The following EIF2B1 variants were observed in gnomAD, a reference collection of about 807,000 sequenced individuals.
The protein encoded by EIF2B1 is eukaryotic translation initiation factor 2B subunit alpha.
A neutral mutation model predicts 36.8 loss-of-function variants in EIF2B1; 30 were observed. That is an observed-to-expected ratio of 0.81 (90% CI 0.61 to 1.10). EIF2B1 has a LOEUF of 1.10. Ranked by LOEUF, EIF2B1 falls within the 50% of genes least tolerant of loss-of-function variation. The pLI is 0.00. For synonymous variants in EIF2B1, 139 were observed against 142.2 expected, an observed-to-expected ratio of 0.98 and a Z score of 0.16; for missense variants, 271 against 374.8, an observed-to-expected ratio of 0.72 and a Z score of 2.29.
rs1566219145 is a variant in EIF2B1 at position 123,633,601 on chromosome 12, C to T, written c.-44G>A. 6.2e-7 allele frequency: 1 copy of T among 1,604,464 alleles called. No homozygotes were observed. On this transcript the variant is annotated 5_prime_UTR_variant, in exon 1 of 9. Transcript: ENST00000424014. The stretch of plus-strand genomic sequence containing the variant: ...AGCCCCAGGGGACCCGAGCCGCCCG[C>T]GCTGTCTCGAACGGGTCCGCCGGCC...
At chr12:123,631,782 G>A (rs1955190097) in intron 2 of EIF2B1, among the ~76,000 whole-genome samples, 2 of 151,266 alleles carry the variant, frequency 1.3e-5, no homozygotes, top group African/African-American at 2.4e-5. Context: ...ACTCCAGCCC[G>A]GGTGACAGAG....
intron 4 of EIF2B1, 148 bp from the exon 5 acceptor site, chr12:123,627,304 C>G: frequency 1.4e-6 from 1 of 734,368 alleles, no homozygotes. Context: ...CCTGATGGTA[C>G]AGTTTCCATC....
At chr12:123,627,594 C>T (rs991886083) in intron 4 of EIF2B1, among the ~76,000 whole-genome samples, 1 of 152,232 alleles carries the variant, frequency 6.6e-6, no homozygotes, top group African/African-American at 2.4e-5. Flanking sequence ...CGCCTGTAAT[C>T]CCAGCATTTT....
rs1955102772 is a variant in EIF2B1 at position 123,621,897 on chromosome 12, G to A, written c.777C>T (p.Val259=). Residue 259 remains valine, a synonymous_variant, in exon 9 of 9, where the codon GTC becomes GTT. Coordinates refer to ENST00000424014, the MANE Select transcript of EIF2B1 (RefSeq NM_001414.4). ...KFKYKADTLK[V]AQTGQDLKEE... is the part of the protein sequence containing the mutation. ...CTTTGAGGTCTTGTCCAGTCTGCGC[G>A]ACCTTGAGAGTGTCTGCCTTATACT... is the stretch of plus-strand genomic sequence containing the variant. 6.2e-7 allele frequency: 1 copy of A among 1,614,074 alleles called. No individual in the cohort carries two copies. The highest frequency in any genetic ancestry group is 8.5e-7 in the Non-Finnish European group (1 of 1,180,034).
intron 4 of EIF2B1, among the ~76,000 whole-genome samples, chr12:123,627,477 C>T (rs1434005186): frequency 6.6e-6 from 1 of 152,194 alleles, no homozygotes; most frequent in Non-Finnish European, 1.5e-5. Flanking sequence ...ACATGGTTTG[C>T]ACACGCAGGC....
intron 2 of EIF2B1, among the ~76,000 whole-genome samples, chr12:123,631,993 G>A (rs1955193520): frequency 6.6e-6 from 1 of 150,610 alleles, no homozygotes; most frequent in African/African-American, 2.4e-5. Flanking sequence ...CAAACGGCCG[G>A]GCACAGTGGC....
chr12:123,625,303 T>C lies in EIF2B1; in HGVS notation c.552-441A>G, dbSNP rs1955140238. Among the ~76,000 whole-genome samples the C allele has an allele frequency of 1.3e-5, 2 of 152,122 alleles. 1 individual carries two copies. Among genetic ancestry groups the C allele is most frequent in the African/African-American group, 4.8e-5 (2 of 41,436 alleles). Reference sequence around the variant, plus strand: ...CCAGATCTCACTCTGTTGCCCAGGCTAGAGTGCAGTGGCATGATCTCAGCC... The same window carrying C: ...CCAGATCTCACTCTGTTGCCCAGGCCAGAGTGCAGTGGCATGATCTCAGCC... On this transcript the variant is annotated intron_variant, in intron 6 of 8. Coordinates refer to ENST00000424014, the MANE Select transcript of EIF2B1 (RefSeq NM_001414.4).
chr12:123,624,862 G>A lies in EIF2B1; in HGVS notation c.552C>T (p.Gly184=), dbSNP rs1955136401. The change falls in exon 7 of 9, where the codon GGC becomes GGT. Residue 184 remains glycine, a splice_region_variant and synonymous_variant. Coordinates refer to ENST00000424014, the MANE Select transcript of EIF2B1 (RefSeq NM_001414.4). ...PVTVVLDAAV[G]YIMEKADLVI... ...CAAGATCTGCTTTCTCCATGATGTAGCTAAGGGGAAAAAAAGCTTTTCATG... is the reference window on the plus strand; with the variant it reads ...CAAGATCTGCTTTCTCCATGATGTAACTAAGGGGAAAAAAAGCTTTTCATG... 6.2e-7 allele frequency: 1 copy of A among 1,613,876 alleles called. No homozygotes were observed. The highest frequency in any genetic ancestry group is 8.5e-7 in the Non-Finnish European group (1 of 1,179,834).
At chr12:123,623,384 C>T (rs1352668955) in intron 7 of EIF2B1, among the ~76,000 whole-genome samples, 1 of 151,922 alleles carries the variant, frequency 6.6e-6, no homozygotes, top group Non-Finnish European at 1.5e-5. Context: ...GAAACTCCAT[C>T]TCAAAAAATA....
intron 6 of EIF2B1, among the ~76,000 whole-genome samples, chr12:123,625,202 T>A (rs1269297887): frequency 3.9e-5 from 6 of 152,210 alleles, no homozygotes; most frequent in Non-Finnish European, 8.8e-5. Context: ...CCAAACAAAA[T>A]TTTAAAATCT....
chr12:123,633,066 G>A (rs1468391670), intron 1 of EIF2B1, among the ~76,000 whole-genome samples: 3 of 151,586 alleles, frequency 2.0e-5, no homozygotes, highest in Admixed American at 1.3e-4. Flanking sequence ...GGATCCCAGA[G>A]TCAACCATCT....
chr12:123,621,346 GA>G lies in EIF2B1; in HGVS notation c.*409del. On this transcript the variant is annotated 3_prime_UTR_variant, in exon 9 of 9. Coordinates refer to ENST00000424014, the MANE Select transcript of EIF2B1 (RefSeq NM_001414.4). ...TACAAGGCACCGCGTGTAACGTCCT[GA>G]CCAGCTGTTGGTCATTTGTGGCAGA... 3 of 327,644 alleles carry G rather than the reference GA, an allele frequency of 9.2e-6. No individual in the cohort carries two copies. Among genetic ancestry groups the G allele is most frequent in the South Asian group, 7.7e-5 (3 of 39,072 alleles). The allele number at this position is 327,644 out of a possible 1,614,324, so 20.3% of individuals were successfully genotyped here. A position where few individuals can be genotyped will look rare whatever the true frequency, so the allele number is the denominator to read the frequency against.
chr12:123,624,072 C>T (rs578204681), intron 7 of EIF2B1, among the ~76,000 whole-genome samples: 2 of 148,298 alleles, frequency 1.3e-5, no homozygotes, highest in South Asian at 2.1e-4. Context: ...TATAAATACA[C>T]GTATTTTATA....
intron 2 of EIF2B1, among the ~76,000 whole-genome samples, chr12:123,631,001 G>A (rs1359628222): frequency 6.6e-6 from 1 of 152,210 alleles, no homozygotes; most frequent in Non-Finnish European, 1.5e-5. Context: ...GCTTATACAA[G>A]ATTTCATGCT....
intron 7 of EIF2B1, among the ~76,000 whole-genome samples, chr12:123,623,251 T>TG (rs1311039979): frequency 6.6e-6 from 1 of 151,644 alleles, no homozygotes; most frequent in Non-Finnish European, 1.5e-5. Context: ...CATGGTGGGA[T>TG]GGGGGGTGCC....
intron 5 of EIF2B1, 56 bp downstream of exon 5, chr12:123,626,988 G>A (rs1311854758): frequency 8.6e-6 from 13 of 1,503,910 alleles, no homozygotes; most frequent in Middle Eastern, 3.4e-4. Context: ...ACTGTAATCC[G>A]CAGTTTGCTC....
chr12:123,626,515 C>T lies in EIF2B1; in HGVS notation c.483-22G>A, dbSNP rs79606093. The T allele has an allele frequency of 7.4e-6, 12 of 1,613,722 alleles. No individual in the cohort carries two copies. The Admixed American group carries it at 8.3e-5, about 11-fold the overall frequency. On this transcript the variant is annotated intron_variant, in intron 5 of 8. Coordinates refer to ENST00000424014, the MANE Select transcript of EIF2B1 (RefSeq NM_001414.4). ...CTTACTGAAGATGACATTTTGAGAA[C>T]GTTAGAGAAAGTACAAGACAGTACC...
intron 6 of EIF2B1, among the ~76,000 whole-genome samples, chr12:123,625,761 C>T (rs1566215266): frequency 6.6e-6 from 1 of 152,200 alleles, no homozygotes; most frequent in Non-Finnish European, 1.5e-5. Flanking sequence ...CTGAGGACAG[C>T]CAGGTCTTCA....
intron 1 of EIF2B1, 111 bp from the exon 2 acceptor site, chr12:123,632,557 CT>C (rs1566218227): frequency 1.3e-6 from 1 of 782,826 alleles, no homozygotes; most frequent in Non-Finnish European, 2.2e-6. Context: ...AAAATACTTT[CT>C]TTTTAGGGTA....
Sources: gnomAD v4.1 joint callset for allele counts (sites outside exome capture counted in the v4.1 genomes callset) on GRCh38, gnomAD v4.1.1 for gene constraint, MANE v1.5 for transcripts, NCBI Gene and HGNC (gene_info 2026-07-23, HGNC 2026-07-21) for gene names.